The following SWAP70 variants were observed in gnomAD, a reference collection of about 807,000 sequenced individuals.
SWAP70 encodes switch-associated protein 70.
In SWAP70, 34 loss-of-function variants were observed where a neutral mutation model predicts 80.2. The observed-to-expected ratio is 0.42, with a 90% CI of 0.32 to 0.56. The LOEUF is 0.56. SWAP70 is among the 20% of genes least tolerant of loss of function. SWAP70 has a pLI of 0.09. For synonymous variants in SWAP70, 239 were observed against 238.5 expected, an observed-to-expected ratio of 1.00 and a Z score of -0.02; for missense variants, 578 against 690.7, an observed-to-expected ratio of 0.84 and a Z score of 1.83.
At chr11:9,727,377 C>T (rs956883565) in intron 4 of SWAP70, among the ~76,000 whole-genome samples, 4 of 151,988 alleles carry the variant, frequency 2.6e-5, no homozygotes, top group Non-Finnish European at 4.4e-5. Context: ...GGCGACAGAG[C>T]GACACTCCTA....
intron 6 of SWAP70, among the ~76,000 whole-genome samples, chr11:9,730,106 C>A (rs2133809090): frequency 6.6e-6 from 1 of 152,232 alleles, no homozygotes; most frequent in South Asian, 2.1e-4. Flanking sequence ...CCCTTGCCGG[C>A]CTCCTGCCTT....
chr11:9,667,842 C>T (rs928835473), intron 1 of SWAP70, among the ~76,000 whole-genome samples: 5 of 152,146 alleles, frequency 3.3e-5, no homozygotes, highest in South Asian at 2.1e-4. Context: ...ATTACAGGCA[C>T]GAGCCACTGC....
intron 1 of SWAP70, among the ~76,000 whole-genome samples, chr11:9,667,439 A>G (rs865938990): frequency 6.6e-6 from 1 of 151,790 alleles, no homozygotes; most frequent in African/African-American, 2.4e-5. Flanking sequence ...TTTTGTAGAC[A>G]TAGGGTTTTG....
At chr11:9,733,647 C>G (rs1470360475) in intron 7 of SWAP70, among the ~76,000 whole-genome samples, 1 of 152,220 alleles carries the variant, frequency 6.6e-6, no homozygotes. Context: ...CTTACTGCCT[C>G]CCACCCTTGA....
chr11:9,686,268 G>A (rs1042234144), intron 1 of SWAP70, among the ~76,000 whole-genome samples: 10 of 151,814 alleles, frequency 6.6e-5, no homozygotes, highest in African/African-American at 2.4e-4. Flanking sequence ...ATACACATAT[G>A]TAAATACACA....
At chr11:9,714,242 T>A (rs1297743128) in intron 3 of SWAP70, among the ~76,000 whole-genome samples, 1 of 151,912 alleles carries the variant, frequency 6.6e-6, no homozygotes, top group Non-Finnish European at 1.5e-5. Context: ...AAGATTAATA[T>A]ACACAATTAA....
intron 1 of SWAP70, 87 bp downstream of exon 1, chr11:9,664,365 G>A: frequency 7.1e-7 from 1 of 1,412,608 alleles, no homozygotes; most frequent in South Asian, 1.3e-5. Context: ...CTGGCGGGCC[G>A]TGACCGCAGG....
rs560323228 is a variant in SWAP70 at position 9,705,749 on chromosome 11, T to C, written c.241-7717T>C. 1.4e-3 allele frequency among the ~76,000 whole-genome samples: 193 copies of C among 138,712 alleles called. 1 individual carries two copies. Among genetic ancestry groups the C allele is most frequent in the Non-Finnish European group, 1.8e-3 (122 of 66,276 alleles). 91.0% of individuals were successfully genotyped at this position (138,712 alleles called of 152,430 possible). A position where few individuals can be genotyped will look rare whatever the true frequency, so the allele number is the denominator to read the frequency against. On this transcript the variant is annotated intron_variant, in intron 2 of 11. Transcript: ENST00000318950. Reference sequence around the variant, plus strand: ...TGTACACTTGGTGATCTGTATGCACTGGTGATCTGTATACACTGGTGATCT... The same window carrying C: ...TGTACACTTGGTGATCTGTATGCACCGGTGATCTGTATACACTGGTGATCT...
At chr11:9,695,776 A>T (rs1850749196) in intron 2 of SWAP70, among the ~76,000 whole-genome samples, 1 of 151,996 alleles carries the variant, frequency 6.6e-6, no homozygotes, top group African/African-American at 2.4e-5. Flanking sequence ...GAAGAAAAAA[A>T]AATCTGGTTT....
chr11:9,737,793 G>A lies in SWAP70; in HGVS notation c.1081-420G>A, dbSNP rs180976491. ...TGCCTGTAGTCCCGGCTACTCGGGA[G>A]GCTGAGGCAGGAGAATCACTTGAAC... On this transcript the variant is annotated intron_variant, in intron 7 of 11. Transcript: ENST00000318950. Among the ~76,000 whole-genome samples, 352 of 152,366 alleles carry A rather than the reference G, an allele frequency of 2.3e-3. 2 individuals carry two copies. Among genetic ancestry groups the A allele is most frequent in the African/African-American group, 8.3e-3 (344 of 41,584 alleles).
At position 9,698,093 on chromosome 11, in the gene SWAP70, G is replaced by T. The variant is rs74618929; in HGVS notation, c.240+3807G>T. Among the ~76,000 whole-genome samples the T allele has an allele frequency of 3.9e-4, 43 of 109,572 alleles. 1 individual carries two copies. The highest frequency in any genetic ancestry group is 2.8e-3 in the South Asian group (8 of 2,884). The allele number at this position is 109,572 out of a possible 152,430, so 71.9% of individuals were successfully genotyped here. Reference sequence around the variant, plus strand: ...GAGCCACCATGCCTGGCCAATACATGTTTTTTGTTTTTTTTTTTTTTTTTT... The same window carrying T: ...GAGCCACCATGCCTGGCCAATACATTTTTTTTGTTTTTTTTTTTTTTTTTT... On this transcript the variant is annotated intron_variant, in intron 2 of 11. Transcript: ENST00000318950.
chr11:9,739,895 AT>A (rs1426050267), intron 8 of SWAP70, among the ~76,000 whole-genome samples: 1 of 152,212 alleles, frequency 6.6e-6, no homozygotes, highest in African/African-American at 2.4e-5. Context: ...ACAAGGAAAC[AT>A]TTTTTTCTTG....
chr11:9,677,230 T>C (rs1850513243), intron 1 of SWAP70, among the ~76,000 whole-genome samples: 1 of 152,182 alleles, frequency 6.6e-6, no homozygotes, highest in South Asian at 2.1e-4. Flanking sequence ...TAATTATTTC[T>C]CTTCTACTGG....
At position 9,751,751 on chromosome 11, in the gene SWAP70, A is replaced by G. The variant is rs894364465; in HGVS notation, c.*1781A>G. 79 of 102,336 alleles carry G rather than the reference A, an allele frequency of 7.7e-4. No individual in the cohort carries two copies. The highest frequency in any genetic ancestry group is 2.6e-3 in the African/African-American group (77 of 29,440). The allele number at this position is 102,336 out of a possible 1,614,324, so 6.3% of individuals were successfully genotyped here. A position where few individuals can be genotyped will look rare whatever the true frequency, so the allele number is the denominator to read the frequency against. On this transcript the variant is annotated 3_prime_UTR_variant, in exon 12 of 12. Coordinates refer to ENST00000318950, the MANE Select transcript of SWAP70 (RefSeq NM_015055.4). Reference sequence around the variant, plus strand: ...TTTTATGACTGGAAAATATTTGCCAATGAAGAAATGGTCTGTAGGTATTTG... The same window carrying G: ...TTTTATGACTGGAAAATATTTGCCAGTGAAGAAATGGTCTGTAGGTATTTG...
At chr11:9,681,095 A>G (rs2134433375) in intron 1 of SWAP70, 1 of 153,054 alleles carries the variant, frequency 6.5e-6, no homozygotes, top group East Asian at 1.9e-4. Context: ...ATAGAGGAGG[A>G]CCAGTCTTCG....
intron 9 of SWAP70, among the ~76,000 whole-genome samples, chr11:9,742,895 TTTTTAA>T (rs1156954475): frequency 6.8e-6 from 1 of 146,968 alleles, no homozygotes; most frequent in Non-Finnish European, 1.5e-5. Flanking sequence ...TTTTTTTTTT[TTTTTAA>T]TTTTATTATT....
At chr11:9,673,928 C>A (rs1401595141) in intron 1 of SWAP70, among the ~76,000 whole-genome samples, 1 of 151,984 alleles carries the variant, frequency 6.6e-6, no homozygotes, top group Non-Finnish European at 1.5e-5. Context: ...GAGATGGAAT[C>A]CCGCTCTGTC....
chr11:9,721,757 C>T (rs1851141038), intron 3 of SWAP70, among the ~76,000 whole-genome samples: 2 of 152,148 alleles, frequency 1.3e-5, no homozygotes, highest in Non-Finnish European at 1.5e-5. Context: ...CTTGAGCCAT[C>T]ACACCTGGCT....
chr11:9,707,874 A>AT (rs34435881), intron 2 of SWAP70, among the ~76,000 whole-genome samples: 1 of 146,670 alleles, frequency 6.8e-6, no homozygotes, highest in East Asian at 2.0e-4. Flanking sequence ...CTTTTAAAAA[A>AT]TTTAAAAAAA....
Sources: allele counts gnomAD v4.1 joint callset (sites outside exome capture counted in the v4.1 genomes callset), GRCh38; gene constraint gnomAD v4.1.1; transcripts MANE v1.5; gene names NCBI Gene and HGNC (gene_info 2026-07-23, HGNC 2026-07-21).